The following COL23A1 variants were observed in gnomAD, a reference collection of about 807,000 sequenced individuals.
The protein encoded by COL23A1 is collagen type XXIII alpha 1 chain.
A neutral mutation model predicts 99.3 loss-of-function variants in COL23A1; 97 were observed. The observed-to-expected ratio is 0.98, with a 90% CI of 0.83 to 1.16. COL23A1 has a LOEUF of 1.16. Ranked by LOEUF, COL23A1 falls within the 50% of genes most tolerant of loss-of-function variation. The pLI is 0.00. For missense variants in COL23A1, 762 were observed against 757.4 expected (o/e 1.01, Z -0.07); for synonymous variants, 320 against 308.2 (o/e 1.04, Z -0.40).
chr5:178,334,219 C>A (rs757883836), intron 2 of COL23A1, among the ~76,000 whole-genome samples: 32 of 152,196 alleles, frequency 2.1e-4, no homozygotes, highest in Admixed American at 6.5e-4. Flanking sequence ...CCTCACCTCA[C>A]GTTTATTAAA....
At chr5:178,489,100 G>T (rs1259060893) in intron 2 of COL23A1, among the ~76,000 whole-genome samples, 1 of 152,238 alleles carries the variant, frequency 6.6e-6, no homozygotes, top group Non-Finnish European at 1.5e-5. Flanking sequence ...GTCTGTGAGG[G>T]TGTTTCCAGG....
intron 2 of COL23A1, among the ~76,000 whole-genome samples, chr5:178,535,179 G>T (rs1301103131): frequency 1.3e-5 from 2 of 152,124 alleles, no homozygotes; most frequent in Non-Finnish European, 1.5e-5. Flanking sequence ...TCACCATGTT[G>T]ACCACGTTGG....
At chr5:178,303,103 C>T (rs1758161238) in intron 3 of COL23A1, among the ~76,000 whole-genome samples, 1 of 152,142 alleles carries the variant, frequency 6.6e-6, no homozygotes, top group African/African-American at 2.4e-5. Context: ...TGGGTTCAAG[C>T]GATTCTTGTG....
intron 3 of COL23A1, among the ~76,000 whole-genome samples, chr5:178,302,653 T>A (rs1056147539): frequency 2.6e-5 from 4 of 152,394 alleles, no homozygotes; most frequent in African/African-American, 9.6e-5. Context: ...TACCCTAGAA[T>A]AAGCTGGAGC....
chr5:178,526,812 G>A (rs112677678), intron 2 of COL23A1, among the ~76,000 whole-genome samples: 23 of 152,174 alleles, frequency 1.5e-4, no homozygotes, highest in African/African-American at 5.3e-4. Flanking sequence ...ATCCAGACAT[G>A]GGGCTCCATA....
chr5:178,463,410 T>G (rs556965540), intron 2 of COL23A1, among the ~76,000 whole-genome samples: 14 of 151,714 alleles, frequency 9.2e-5, no homozygotes, highest in Non-Finnish European at 2.1e-4. Flanking sequence ...TGAGGTGGAG[T>G]GAAACTGTTA....
At chr5:178,421,841 G>A (rs1240514168) in intron 2 of COL23A1, among the ~76,000 whole-genome samples, 1 of 152,188 alleles carries the variant, frequency 6.6e-6, no homozygotes, top group Non-Finnish European at 1.5e-5. Context: ...TGCACTCTAA[G>A]CCTGGGCAAC....
intron 2 of COL23A1, among the ~76,000 whole-genome samples, chr5:178,423,742 G>A (rs1438570287): frequency 1.3e-5 from 2 of 152,104 alleles, no homozygotes; most frequent in Admixed American, 6.6e-5. Context: ...GGTTACCCAC[G>A]AGGAAACTGA....
At chr5:178,469,133 T>C (rs1219450239) in intron 2 of COL23A1, among the ~76,000 whole-genome samples, 2 of 152,362 alleles carry the variant, frequency 1.3e-5, no homozygotes, top group East Asian at 3.9e-4. Flanking sequence ...ACAGGCCACA[T>C]TGTGTCTATC....
chr5:178,408,675 C>T (rs1764883511), intron 2 of COL23A1, among the ~76,000 whole-genome samples: 1 of 152,042 alleles, frequency 6.6e-6, no homozygotes, highest in Non-Finnish European at 1.5e-5. Flanking sequence ...ACTTATCAGG[C>T]CAGGCGCGGT....
At chr5:178,352,906 T>C (rs1392349994) in intron 2 of COL23A1, among the ~76,000 whole-genome samples, 5 of 152,224 alleles carry the variant, frequency 3.3e-5, no homozygotes, top group Non-Finnish European at 4.4e-5. Context: ...TATTTCCCAC[T>C]TGAGAAAAGA....
chr5:178,496,649 A>G (rs1758216211), intron 2 of COL23A1, among the ~76,000 whole-genome samples: 1 of 152,230 alleles, frequency 6.6e-6, no homozygotes, highest in African/African-American at 2.4e-5. Context: ...ATAGACATAC[A>G]AGTAGAAATC....
intron 2 of COL23A1, among the ~76,000 whole-genome samples, chr5:178,412,851 C>G (rs1164471968): frequency 1.3e-5 from 2 of 152,148 alleles, no homozygotes; most frequent in Non-Finnish European, 2.9e-5. Context: ...ATATGCTAAG[C>G]AGTTTTCTCA....
At chr5:178,264,534 C>T (rs568250225) in intron 8 of COL23A1, among the ~76,000 whole-genome samples, 18 of 152,290 alleles carry the variant, frequency 1.2e-4, no homozygotes, top group African/African-American at 2.9e-4. Flanking sequence ...ACCCTACACT[C>T]GCACAGGGCA....
intron 2 of COL23A1, among the ~76,000 whole-genome samples, chr5:178,352,695 A>G (rs1468715430): frequency 6.6e-6 from 1 of 152,244 alleles, no homozygotes. Flanking sequence ...AAACTCTGGA[A>G]GATGCATTCT....
In COL23A1 at chr5:178,358,619, ATG is replaced by A. The variant is rs756525010; in HGVS notation, c.362-51702_362-51701del. ...TGTGTATGTGTGTATGCGTGTATGT[ATG>A]TGTGTATGTGTCTAGTGTGTGTGTG... On this transcript the variant is annotated intron_variant, in intron 2 of 28. Transcript: ENST00000390654. Among the ~76,000 whole-genome samples the A allele has an allele frequency of 4.7e-4, 61 of 128,710 alleles. 1 individual carries two copies. The highest frequency in any genetic ancestry group is 1.0e-3 in the African/African-American group (35 of 33,488). The allele number at this position is 128,710 out of a possible 152,430, so 84.4% of individuals were successfully genotyped here. A position where few individuals can be genotyped will look rare whatever the true frequency, so the allele number is the denominator to read the frequency against.
chr5:178,242,509 C>T (rs1036947466), intron 25 of COL23A1, 115 bp from the exon 26 acceptor site: 25 of 1,019,250 alleles, frequency 2.5e-5, no homozygotes, highest in Middle Eastern at 2.0e-4. Flanking sequence ...CCTGCATATT[C>T]GTGGCACACG....
chr5:178,252,626 T>G, intron 16 of COL23A1, 29 bp from the exon 17 acceptor site: 1 of 1,595,250 alleles, frequency 6.3e-7, no homozygotes, highest in Non-Finnish European at 8.5e-7. Context: ...CCGGTCAGTG[T>G]CATGGGTTAG....
At chr5:178,341,344 C>A (rs553540922) in intron 2 of COL23A1, among the ~76,000 whole-genome samples, 1 of 152,194 alleles carries the variant, frequency 6.6e-6, no homozygotes, top group East Asian at 1.9e-4. Context: ...CAAGATAGGT[C>A]GGTCAACACT....
Sources: allele counts gnomAD v4.1 joint callset (sites outside exome capture counted in the v4.1 genomes callset), GRCh38; gene constraint gnomAD v4.1.1; transcripts MANE v1.5; gene names NCBI Gene and HGNC (gene_info 2026-07-23, HGNC 2026-07-21).